FGGY: variants seen among roughly 807,000 people sequenced by gnomAD.
FGGY encodes the protein FGGY carbohydrate kinase domain containing.
Under a neutral mutation model 71.3 loss-of-function variants are expected in FGGY, and 72 were observed. The ratio of observed to expected loss-of-function variants is 1.01; its 90% CI spans 0.84 to 1.23. The LOEUF is 1.23. Among genes scored for constraint, FGGY ranks in the 50% most tolerant of loss-of-function variants. The pLI, the probability that FGGY is intolerant of heterozygous loss-of-function variation, is 0.00. For missense variants in FGGY, 668 were observed against 682.3 expected (o/e 0.98, Z 0.23); for synonymous variants, 251 against 250.3 (o/e 1.00, Z -0.02).
chr1:59,517,879 C>G (rs1333522742), intron 7 of FGGY, among the ~76,000 whole-genome samples: 2 of 152,176 alleles, frequency 1.3e-5, no homozygotes, highest in African/African-American at 4.8e-5. Flanking sequence ...CATTCAAAGG[C>G]AATTGTCCCT....
chr1:59,708,692 G>A (rs1053357737), intron 14 of FGGY, among the ~76,000 whole-genome samples: 2 of 152,214 alleles, frequency 1.3e-5, no homozygotes, highest in African/African-American at 2.4e-5. Flanking sequence ...CAAAGCCATG[G>A]AATCAGAAAG....
At chr1:59,502,479 G>A (rs1209528919) in intron 6 of FGGY, among the ~76,000 whole-genome samples, 1 of 152,202 alleles carries the variant, frequency 6.6e-6, no homozygotes, top group Non-Finnish European at 1.5e-5. Context: ...CACTGTGGGT[G>A]CCAAAGTGGA....
At chr1:59,590,069 G>C (rs149692349) in intron 8 of FGGY, among the ~76,000 whole-genome samples, 2,279 of 151,736 alleles carry the variant, frequency 0.015, 65 homozygotes, top group African/African-American at 0.053. Context: ...AAAGAGAGAA[G>C]AATCAAATAG....
chr1:59,406,419 AT>A (rs1340382644), intron 5 of FGGY, among the ~76,000 whole-genome samples: 1 of 152,122 alleles, frequency 6.6e-6, no homozygotes, highest in Non-Finnish European at 1.5e-5. Context: ...CACCCCAAGC[AT>A]TGTGCAAAAG....
At position 59,369,379 on chromosome 1, in the gene FGGY, C is replaced by T. The variant is rs1571121057; in HGVS notation, c.466-9370C>T. On this transcript the variant is annotated intron_variant, in intron 4 of 15. Coordinates refer to ENST00000303721, the MANE Select transcript of FGGY (RefSeq NM_018291.5). The stretch of plus-strand genomic sequence containing the variant: ...TGGGGGAGGAGCGCCCGCCATTGCC[C>T]AGGCTTGCTTAGGTAAACAGAGCAG... Among the ~76,000 whole-genome samples, 4 of 152,320 alleles carry T rather than the reference C, an allele frequency of 2.6e-5. 1 individual carries two copies. The highest frequency in any genetic ancestry group is 2.6e-4 in the Admixed American group (4 of 15,300).
chr1:59,519,294 T>C (rs2094755501), intron 7 of FGGY, among the ~76,000 whole-genome samples: 2 of 152,228 alleles, frequency 1.3e-5, no homozygotes, highest in African/African-American at 4.8e-5. Context: ...TTAATATTTA[T>C]TGACGACCCA....
At chr1:59,492,515 A>G (rs1192085829) in intron 6 of FGGY, among the ~76,000 whole-genome samples, 1 of 152,190 alleles carries the variant, frequency 6.6e-6, no homozygotes, top group East Asian at 1.9e-4. Flanking sequence ...TCAATATCTA[A>G]TTGCAGAAAT....
intron 8 of FGGY, among the ~76,000 whole-genome samples, chr1:59,582,139 C>T (rs1334654720): frequency 1.3e-5 from 2 of 149,390 alleles, no homozygotes; most frequent in Admixed American, 1.3e-4. Flanking sequence ...GTCCCAGCTA[C>T]TTGGGAGGCT....
At chr1:59,535,202 C>T (rs1403402500) in intron 7 of FGGY, among the ~76,000 whole-genome samples, 6 of 151,738 alleles carry the variant, frequency 4.0e-5, no homozygotes, top group Non-Finnish European at 7.4e-5. Context: ...ATAAAACAGA[C>T]TTTAAACCAA....
chr1:59,400,683 T>C (rs1465814788), intron 5 of FGGY, among the ~76,000 whole-genome samples: 1 of 152,098 alleles, frequency 6.6e-6, no homozygotes, highest in African/African-American at 2.4e-5. Context: ...TTAACTCTTC[T>C]TTATAAACTA....
chr1:59,613,083 G>A (rs1221495934), intron 9 of FGGY, among the ~76,000 whole-genome samples: 1 of 152,126 alleles, frequency 6.6e-6, no homozygotes, highest in Non-Finnish European at 1.5e-5. Flanking sequence ...ACATTAGACA[G>A]ATCAACGAGA....
chr1:59,395,456 GAT>G (rs2061213722), intron 5 of FGGY, among the ~76,000 whole-genome samples: 1 of 152,172 alleles, frequency 6.6e-6, no homozygotes, highest in Non-Finnish European at 1.5e-5. Context: ...GATTTAAGCA[GAT>G]AATGCTTGGA....
chr1:59,320,941 A>C (rs1463599387), intron 1 of FGGY, among the ~76,000 whole-genome samples: 1 of 152,136 alleles, frequency 6.6e-6, no homozygotes, highest in Non-Finnish European at 1.5e-5. Context: ...TTATGAGTAG[A>C]CCTAGCTAGC....
chr1:59,573,602 A>T (rs1166269543), intron 8 of FGGY, among the ~76,000 whole-genome samples: 12 of 152,198 alleles, frequency 7.9e-5, no homozygotes, highest in Admixed American at 7.9e-4. Context: ...ACTATTTCAT[A>T]AGTGTTAAAT....
intron 8 of FGGY, among the ~76,000 whole-genome samples, chr1:59,562,738 A>G (rs1217675338): frequency 6.6e-6 from 1 of 152,230 alleles, no homozygotes; most frequent in African/African-American, 2.4e-5. Context: ...GTTGCCTGGA[A>G]TCATGAAATG....
intron 2 of FGGY, 141 bp downstream of exon 2, chr1:59,321,891 A>G: frequency 1.3e-6 from 1 of 746,108 alleles, no homozygotes; most frequent in South Asian, 1.8e-5. Flanking sequence ...TCAGGAGCTC[A>G]CAGTCTACTG....
chr1:59,544,508 G>A (rs1000316304), intron 7 of FGGY, among the ~76,000 whole-genome samples: 1 of 152,114 alleles, frequency 6.6e-6, no homozygotes, highest in Non-Finnish European at 1.5e-5. Context: ...CCTGCTTTAG[G>A]GGAGAATGGT....
At chr1:59,344,821 T>C (rs1238591294) in intron 3 of FGGY, among the ~76,000 whole-genome samples, 2 of 152,132 alleles carry the variant, frequency 1.3e-5, no homozygotes, top group East Asian at 3.8e-4. Context: ...GATGCAACCA[T>C]CCATTTAAAA....
chr1:59,626,697 A>C (rs2096859727), intron 10 of FGGY: 1 of 152,216 alleles, frequency 6.6e-6, no homozygotes, highest in Non-Finnish European at 1.5e-5. Flanking sequence ...TCTACTAAAA[A>C]TACAAAAGTT....
Sources: gnomAD v4.1 joint callset for allele counts (sites outside exome capture counted in the v4.1 genomes callset) on GRCh38, gnomAD v4.1.1 for gene constraint, MANE v1.5 for transcripts, NCBI Gene and HGNC (gene_info 2026-07-23, HGNC 2026-07-21) for gene names.